Variants in IL1RAP observed in about 807,000 individuals in gnomAD.
The protein encoded by IL1RAP is interleukin 1 receptor accessory protein.
A neutral mutation model predicts 60.7 loss-of-function variants in IL1RAP; 35 were observed. The ratio of observed to expected loss-of-function variants is 0.58; its 90% CI spans 0.44 to 0.76. The LOEUF is 0.76. Ranked by LOEUF, IL1RAP falls within the 30% of genes least tolerant of loss-of-function variation. IL1RAP has a pLI of 0.00. For missense variants in IL1RAP, 572 were observed against 693.9 expected (o/e 0.82, Z 1.97); for synonymous variants, 268 against 250.9 (o/e 1.07, Z -0.64).
chr3:190,541,666 T>C (rs1306903102), intron 1 of IL1RAP, among the ~76,000 whole-genome samples: 1 of 152,178 alleles, frequency 6.6e-6, no homozygotes, highest in East Asian at 1.9e-4. Flanking sequence ...TTAAGTCTAC[T>C]GTTTTGTGGA....
intron 2 of IL1RAP, among the ~76,000 whole-genome samples, chr3:190,557,238 C>T (rs1453042013): frequency 1.3e-5 from 2 of 152,194 alleles, no homozygotes; most frequent in African/African-American, 4.8e-5. Context: ...TTTTAAATTG[C>T]TCTTTCACCT....
chr3:190,553,776 A>G (rs1401263388), intron 1 of IL1RAP, among the ~76,000 whole-genome samples: 1 of 152,114 alleles, frequency 6.6e-6, no homozygotes, highest in African/African-American at 2.4e-5. Context: ...AATGAGAGGG[A>G]AAGGCCGGGC....
At chr3:190,607,091 T>G (rs6786319) in intron 4 of IL1RAP, among the ~76,000 whole-genome samples, 12,070 of 152,152 alleles carry the variant, frequency 0.079, 939 homozygotes, top group African/African-American at 0.2. Flanking sequence ...TTCTGAGCGT[T>G]GTCACAAGTC....
Position 190,627,307 on chromosome 3 carries a change from T to A in IL1RAP, c.776-16T>A. ...TTGTTTTTTGTTTTTTTTGTTTTTT[T>A]GGTTTTTTTTTTCAGGAGAGGAGCT... On this transcript the variant is annotated splice_polypyrimidine_tract_variant and intron_variant, in intron 7 of 11. Transcript: ENST00000447382. 6.9e-7 allele frequency: 1 copy of A among 1,453,444 alleles called. No individual in the cohort carries two copies. Among genetic ancestry groups the A allele is most frequent in the Non-Finnish European group, 8.9e-7 (1 of 1,117,464 alleles). 90.0% of individuals were successfully genotyped at this position (1,453,444 alleles called of 1,614,324 possible).
At chr3:190,630,945 T>C (rs1732738485) in intron 9 of IL1RAP, among the ~76,000 whole-genome samples, 1 of 152,254 alleles carries the variant, frequency 6.6e-6, no homozygotes, top group South Asian at 2.1e-4. Flanking sequence ...TATACCTATA[T>C]ATGAAATGCT....
intron 3 of IL1RAP, among the ~76,000 whole-genome samples, chr3:190,589,833 T>C (rs1181414802): frequency 6.6e-6 from 1 of 152,180 alleles, no homozygotes; most frequent in African/African-American, 2.4e-5. Flanking sequence ...GGCTTTAAAT[T>C]CCAATCATGC....
intron 9 of IL1RAP, chr3:190,630,047 A>G: frequency 1.2e-6 from 1 of 801,732 alleles, no homozygotes. Flanking sequence ...ATTGTATGCA[A>G]CTAATTAAGG....
chr3:190,538,786 T>C (rs1577536929), intron 1 of IL1RAP, among the ~76,000 whole-genome samples: 1 of 152,072 alleles, frequency 6.6e-6, no homozygotes, highest in African/African-American at 2.4e-5. Flanking sequence ...ATGGGGACGG[T>C]TACCCCCATG....
At chr3:190,572,130 G>A (rs771303485) in intron 3 of IL1RAP, among the ~76,000 whole-genome samples, 1 of 152,212 alleles carries the variant, frequency 6.6e-6, no homozygotes, top group African/African-American at 2.4e-5. Context: ...TTAAATTGAT[G>A]CACCTGAGTT....
intron 1 of IL1RAP, among the ~76,000 whole-genome samples, chr3:190,538,226 G>A (rs1485444861): frequency 6.6e-6 from 1 of 152,158 alleles, no homozygotes; most frequent in African/African-American, 2.4e-5. Flanking sequence ...ATGGTCTAAG[G>A]AGCAGCAGCA....
At chr3:190,530,187 G>C (rs546093366) in intron 1 of IL1RAP, among the ~76,000 whole-genome samples, 1 of 152,272 alleles carries the variant, frequency 6.6e-6, no homozygotes, top group Non-Finnish European at 1.5e-5. Context: ...CAGTCTGACC[G>C]GGAGATAATA....
chr3:190,587,260 G>T (rs3773966), intron 3 of IL1RAP, among the ~76,000 whole-genome samples: 14,577 of 152,252 alleles, frequency 0.096, 1,246 homozygotes, highest in East Asian at 0.44. Flanking sequence ...GTCTCCTACT[G>T]ACTTGCTGTG....
At chr3:190,629,532 T>C in intron 9 of IL1RAP, 34 bp downstream of exon 9, 1 of 1,581,156 alleles carries the variant, frequency 6.3e-7, no homozygotes, top group East Asian at 2.3e-5. Flanking sequence ...ATCTCTCAGC[T>C]CCAAATTAAC....
Position 190,624,969 on chromosome 3 carries a change from C to T in IL1RAP, c.775+1554C>T, listed in dbSNP as rs144113741. 120 of 174,258 alleles carry T rather than the reference C, an allele frequency of 6.9e-4. 1 individual carries two copies. The East Asian group carries it at 0.013, about 19-fold the overall frequency. 10.8% of individuals were successfully genotyped at this position (174,258 alleles called of 1,614,324 possible). A position where few individuals can be genotyped will look rare whatever the true frequency, so the allele number is the denominator to read the frequency against. ...CTTGAGGGTGATGTTTCCGAGGGTG[C>T]TCCCTACCCACACTGCAGCGGGGTC... On this transcript the variant is annotated intron_variant, in intron 7 of 11. Coordinates refer to ENST00000447382, the MANE Select transcript of IL1RAP (RefSeq NM_002182.4).
intron 4 of IL1RAP, among the ~76,000 whole-genome samples, chr3:190,607,525 A>G (rs990241565): frequency 9.2e-5 from 14 of 152,212 alleles, no homozygotes; most frequent in Admixed American, 3.3e-4. Context: ...TTTGAGCTAT[A>G]ACAAATTTAA....
In IL1RAP at chr3:190,542,976, A is replaced by G. The variant is rs377195243; in HGVS notation, c.-88-13154A>G. On this transcript the variant is annotated intron_variant, in intron 1 of 11. Transcript: ENST00000447382. Reference sequence around the variant, plus strand: ...GAGCTGCAATAATGTTAAATCAGACATGTGAATCCAAATTAAACAGAATTC... The same window carrying G: ...GAGCTGCAATAATGTTAAATCAGACGTGTGAATCCAAATTAAACAGAATTC... 6.0e-5 allele frequency among the ~76,000 whole-genome samples: 9 copies of G among 150,664 alleles called. No homozygotes were observed. In the East Asian group the frequency reaches 1.2e-3, roughly 20 times the overall value.
chr3:190,637,275 T>C (rs924057579), intron 9 of IL1RAP, among the ~76,000 whole-genome samples: 1 of 152,216 alleles, frequency 6.6e-6, no homozygotes, highest in African/African-American at 2.4e-5. Flanking sequence ...TATTTAATGT[T>C]TCTGGTACAT....
chr3:190,609,902 C>T (rs889369539), intron 5 of IL1RAP, among the ~76,000 whole-genome samples: 5 of 152,254 alleles, frequency 3.3e-5, no homozygotes, highest in African/African-American at 1.2e-4. Flanking sequence ...GACTTGACAA[C>T]AGGAGAACGC....
In IL1RAP at chr3:190,627,314, T is replaced by G. The variant is rs772267855; in HGVS notation, c.776-9T>G. The G allele has an allele frequency of 4.7e-5, 74 of 1,571,976 alleles. No individual in the cohort carries two copies. The highest frequency in any genetic ancestry group is 6.2e-5 in the Non-Finnish European group (72 of 1,167,690). On this transcript the variant is annotated splice_polypyrimidine_tract_variant and intron_variant, in intron 7 of 11. Coordinates refer to ENST00000447382, the MANE Select transcript of IL1RAP (RefSeq NM_002182.4). ...TTGTTTTTTTTGTTTTTTTGGTTTT[T>G]TTTTTCAGGAGAGGAGCTACTCATT...
Sources: allele counts gnomAD v4.1 joint callset (sites outside exome capture counted in the v4.1 genomes callset), GRCh38; gene constraint gnomAD v4.1.1; transcripts MANE v1.5; gene names NCBI Gene and HGNC (gene_info 2026-07-23, HGNC 2026-07-21).